Variants in ZFPM1 observed in about 807,000 individuals in gnomAD.
ZFPM1 encodes zinc finger protein, FOG family member 1.
ZFPM1 carries 28 observed loss-of-function variants against 46.3 expected under a neutral mutation model. The observed-to-expected ratio is 0.60, with a 90% CI of 0.45 to 0.83. The LOEUF (loss-of-function observed/expected upper bound fraction) is 0.83. Ranked by LOEUF, ZFPM1 falls within the 40% of genes least tolerant of loss-of-function variation. The probability of loss-of-function intolerance (pLI) is 0.00; values close to 1 mark genes in which losing one functional copy is unlikely to be tolerated. For missense variants in ZFPM1, 1,878 were observed against 1,432.4 expected, an observed-to-expected ratio of 1.31 and a Z score of -5.02; for synonymous variants, 957 against 675.9, an observed-to-expected ratio of 1.42 and a Z score of -6.45.
rs1258812174 is a variant in ZFPM1 at position 88,533,223 on chromosome 16, C to T, written c.1265C>T (p.Pro422Leu). 7 of 1,562,166 alleles carry T rather than the reference C, an allele frequency of 4.5e-6. No homozygotes were observed. The South Asian group carries it at 5.8e-5, about 13-fold the overall frequency. The change falls in exon 10 of 10, where the codon CCC becomes CTC. Residue 422 changes from proline (P) to leucine (L), a missense_variant. By Grantham distance (98) the Pro-to-Leu change is moderately conservative. Transcript: ENST00000319555. Reference sequence around the variant, plus strand: ...GCCTCCGCGGACCTGGGCCTGGCGCCCACCCCATCGCCAGGACTGGACAGA... The same window carrying T: ...GCCTCCGCGGACCTGGGCCTGGCGCTCACCCCATCGCCAGGACTGGACAGA... ...PLASADLGLA[P>L]TPSPGLDRKA...
chr16:88,528,974 C>T (rs3859019), intron 6 of ZFPM1, among the ~76,000 whole-genome samples: 132,742 of 151,930 alleles, frequency 0.87, 58,573 homozygotes, highest in Non-Finnish European at 0.94. Flanking sequence ...AGGGTGGCTG[C>T]GGGAATCATG....
intron 1 of ZFPM1, among the ~76,000 whole-genome samples, chr16:88,467,673 C>T (rs926651546): frequency 6.6e-6 from 1 of 152,178 alleles, no homozygotes; most frequent in African/African-American, 2.4e-5. Context: ...GTCACGGGCT[C>T]TGGGCTGGCT....
At chr16:88,490,802 G>A (rs1052206357) in intron 3 of ZFPM1, among the ~76,000 whole-genome samples, 7 of 152,276 alleles carry the variant, frequency 4.6e-5, no homozygotes, top group African/African-American at 1.7e-4. Flanking sequence ...CATGGCCACC[G>A]GTCCTCACGG....
chr16:88,514,352 C>G (rs1046997848), intron 3 of ZFPM1, 35 bp from the exon 4 acceptor site: 2 of 1,554,714 alleles, frequency 1.3e-6, no homozygotes, highest in Admixed American at 1.9e-5. Flanking sequence ...GGCCCCAGAC[C>G]GGGCACGCCT....
rs575355380 is a variant in ZFPM1 at position 88,471,025 on chromosome 16, G to C, written c.41-14914G>C. Reference sequence around the variant, plus strand: ...CCTCACCCGGTGGGGTCCAGCCTCCGCGACAGGCATTCCCTTCCCCGTGTG... The same window carrying C: ...CCTCACCCGGTGGGGTCCAGCCTCCCCGACAGGCATTCCCTTCCCCGTGTG... On this transcript the variant is annotated intron_variant, in intron 1 of 9. Transcript: ENST00000319555. The surrounding 1 kb of genome is among the most constrained non-coding windows in gnomAD (Gnocchi z 4.1). 1.3e-5 allele frequency among the ~76,000 whole-genome samples: 2 copies of C among 152,122 alleles called. No homozygotes were observed. The highest frequency in any genetic ancestry group is 2.9e-5 in the Non-Finnish European group (2 of 68,004).
chr16:88,509,522 G>T (rs761943934), intron 3 of ZFPM1, among the ~76,000 whole-genome samples: 1 of 152,250 alleles, frequency 6.6e-6, no homozygotes. Context: ...GTTCCCGGAC[G>T]TCCGCAGACT....
At chr16:88,517,272 G>A (rs954667656) in intron 4 of ZFPM1, among the ~76,000 whole-genome samples, 1 of 149,390 alleles carries the variant, frequency 6.7e-6, no homozygotes, top group Non-Finnish European at 1.5e-5. Flanking sequence ...ATGGATGTGT[G>A]GTTGGAGGGC....
chr16:88,464,963 C>T (rs1908067972), intron 1 of ZFPM1, among the ~76,000 whole-genome samples: 1 of 151,254 alleles, frequency 6.6e-6, no homozygotes, highest in Non-Finnish European at 1.5e-5. Context: ...ATTCTGACTT[C>T]ATAGCTCACT....
At position 88,535,143 on chromosome 16, in the gene ZFPM1, TAAAG is replaced by T. The variant is rs1481328963; in HGVS notation, c.*167_*170del. The T allele has an allele frequency of 5.9e-6, 5 of 851,390 alleles. No homozygotes were observed. Among genetic ancestry groups the T allele is most frequent in the African/African-American group, 1.8e-5 (1 of 56,314 alleles). The allele number at this position is 851,390 out of a possible 1,614,324, so 52.7% of individuals were successfully genotyped here. ...GCCCGCCTGGACCCTTGGCACTTAA[TAAAG>T]AAGTTCAGTTTGATGAGCATGGTGG... On this transcript the variant is annotated 3_prime_UTR_variant, in exon 10 of 10. Transcript: ENST00000319555.
At chr16:88,529,525 A>C (rs1912616947) in intron 6 of ZFPM1, among the ~76,000 whole-genome samples, 2 of 152,206 alleles carry the variant, frequency 1.3e-5, no homozygotes, top group African/African-American at 4.8e-5. Flanking sequence ...TGACATCAAG[A>C]CACCTGCTAC....
chr16:88,467,148 A>G (rs958061514), intron 1 of ZFPM1, among the ~76,000 whole-genome samples: 1 of 152,106 alleles, frequency 6.6e-6, no homozygotes, highest in African/African-American at 2.4e-5. Flanking sequence ...GCCTCGTCCC[A>G]TCACACAGCG....
intron 7 of ZFPM1, 58 bp downstream of exon 7, chr16:88,532,293 C>T: frequency 1.4e-6 from 2 of 1,475,748 alleles, no homozygotes; most frequent in South Asian, 1.3e-5. Flanking sequence ...CCACCCAGTC[C>T]CGCAGGCCGC....
At chr16:88,501,765 A>T (rs1048468535) in intron 3 of ZFPM1, among the ~76,000 whole-genome samples, 2 of 146,690 alleles carry the variant, frequency 1.4e-5, no homozygotes, top group African/African-American at 5.5e-5. Flanking sequence ...GGTGCTGATG[A>T]TAATGGAGAT....
At chr16:88,499,682 T>G (rs76174423) in intron 3 of ZFPM1, among the ~76,000 whole-genome samples, 1 of 152,128 alleles carries the variant, frequency 6.6e-6, no homozygotes, top group African/African-American at 2.4e-5. Flanking sequence ...GAGAAAGGGC[T>G]TGGCTGAAGT....
At chr16:88,464,862 A>G (rs1266385874) in intron 1 of ZFPM1, among the ~76,000 whole-genome samples, 1 of 150,016 alleles carries the variant, frequency 6.7e-6, no homozygotes, top group African/African-American at 2.5e-5. Context: ...TCGGTGGCCA[A>G]TAGCCCAGCC....
chr16:88,496,809 G>T (rs559358099), intron 3 of ZFPM1, among the ~76,000 whole-genome samples: 1 of 152,278 alleles, frequency 6.6e-6, no homozygotes, highest in East Asian at 1.9e-4. Flanking sequence ...TCGACTCCTG[G>T]TATACAGGGT....
intron 3 of ZFPM1, among the ~76,000 whole-genome samples, chr16:88,499,587 T>C (rs3848231): frequency 0.28 from 43,023 of 152,184 alleles, 6,303 homozygotes; most frequent in East Asian, 0.38. Flanking sequence ...CAGGTCTGCG[T>C]GCAGTGTGGG....
intron 1 of ZFPM1, among the ~76,000 whole-genome samples, chr16:88,459,325 A>G (rs983551763): frequency 1.3e-5 from 2 of 152,114 alleles, no homozygotes; most frequent in African/African-American, 4.8e-5. Context: ...CTCAGCTCAA[A>G]ATAGACATGG....
At chr16:88,488,668 C>T (rs562257490) in intron 2 of ZFPM1, among the ~76,000 whole-genome samples, 151 of 152,104 alleles carry the variant, frequency 9.9e-4, no homozygotes, top group Admixed American at 1.8e-3. Context: ...GGGCTGGAAT[C>T]GGTGCAGGGC....
Sources: allele counts gnomAD v4.1 joint callset (sites outside exome capture counted in the v4.1 genomes callset), GRCh38; gene constraint gnomAD v4.1.1; non-coding constraint Gnocchi (gnomAD v3.1); transcripts MANE v1.5; gene names NCBI Gene and HGNC (gene_info 2026-07-23, HGNC 2026-07-21).